Variants in PCDHAC2 observed in about 807,000 individuals in gnomAD.
PCDHAC2 encodes the protein protocadherin alpha-C2.
A neutral mutation model predicts 63.3 loss-of-function variants in PCDHAC2; 24 were observed. The observed-to-expected ratio is 0.38, with a 90% CI of 0.27 to 0.53. The LOEUF (loss-of-function observed/expected upper bound fraction) is 0.53, where lower values mean the gene tolerates loss of function less well. Among genes scored for constraint, PCDHAC2 ranks in the 20% least tolerant of loss-of-function variants. The pLI, the probability that PCDHAC2 is intolerant of heterozygous loss-of-function variation, is 0.81. For missense variants in PCDHAC2, 1,181 were observed against 1,275.2 expected, an observed-to-expected ratio of 0.93 and a Z score of 1.12; for synonymous variants, 569 against 529.4, an observed-to-expected ratio of 1.07 and a Z score of -1.03.
intron 3 of PCDHAC2, among the ~76,000 whole-genome samples, chr5:140,987,959 C>T (rs1222591572): frequency 1.3e-5 from 2 of 152,132 alleles, no homozygotes; most frequent in South Asian, 2.1e-4. Context: ...AAACCAACTC[C>T]CCATGGAAAG....
At chr5:140,987,211 C>T (rs1190567678) in intron 3 of PCDHAC2, among the ~76,000 whole-genome samples, 2 of 145,072 alleles carry the variant, frequency 1.4e-5, no homozygotes, top group Non-Finnish European at 3.0e-5. Flanking sequence ...GAGACTCCAT[C>T]TCAAAAAAAA....
intron 3 of PCDHAC2, among the ~76,000 whole-genome samples, chr5:140,993,154 A>T (rs2097543247): frequency 6.6e-6 from 1 of 152,220 alleles, no homozygotes; most frequent in Admixed American, 6.5e-5. Flanking sequence ...AATGGATTCT[A>T]AATATTTGCC....
At chr5:140,987,316 G>A (rs13153056) in intron 3 of PCDHAC2, among the ~76,000 whole-genome samples, 9,624 of 152,218 alleles carry the variant, frequency 0.063, 338 homozygotes, top group East Asian at 0.12. Flanking sequence ...AATGTACTGT[G>A]AAGTTTTAAG....
intron 3 of PCDHAC2, among the ~76,000 whole-genome samples, chr5:140,986,383 A>G (rs1277624649): frequency 2.6e-5 from 4 of 152,178 alleles, no homozygotes; most frequent in Admixed American, 1.3e-4. Flanking sequence ...GGGGAGGGAC[A>G]TTAAAGGGCC....
intron 3 of PCDHAC2, among the ~76,000 whole-genome samples, chr5:140,990,610 C>T (rs781969043): frequency 4.6e-5 from 7 of 152,080 alleles, no homozygotes; most frequent in African/African-American, 9.7e-5. Flanking sequence ...AGATGAATAC[C>T]GTAAAGGTCT....
intron 3 of PCDHAC2, among the ~76,000 whole-genome samples, chr5:140,995,853 A>G (rs934469128): frequency 4.6e-5 from 7 of 152,220 alleles, no homozygotes. Context: ...TTTCTATCGT[A>G]TCACTTAATA....
At chr5:141,009,120 T>C (rs1383940737) in intron 3 of PCDHAC2, among the ~76,000 whole-genome samples, 1 of 152,236 alleles carries the variant, frequency 6.6e-6, no homozygotes, top group African/African-American at 2.4e-5. Flanking sequence ...ACTAGATTCT[T>C]GGTATCCTGG....
intron 3 of PCDHAC2, among the ~76,000 whole-genome samples, 199 bp downstream of exon 3, chr5:140,982,762 TAAC>T (rs1210027762): frequency 6.6e-6 from 1 of 152,130 alleles, no homozygotes; most frequent in Non-Finnish European, 1.5e-5. Context: ...TGAAAAAGGA[TAAC>T]AAGGAAAGTG....
intron 3 of PCDHAC2, among the ~76,000 whole-genome samples, chr5:141,005,701 CAAAAAAAAAA>C (rs59860837): frequency 9.0e-4 from 7 of 7,792 alleles, no homozygotes; most frequent in East Asian, 6.4e-3. Context: ...AACTCCGTCT[CAAAAAAAAAA>C]AAAAAAAAAA....
At chr5:140,984,612 G>T (rs2097111075) in intron 3 of PCDHAC2, among the ~76,000 whole-genome samples, 1 of 152,026 alleles carries the variant, frequency 6.6e-6, no homozygotes, top group Admixed American at 6.6e-5. Flanking sequence ...CTGCATCAGT[G>T]GTGTAAAGTT....
rs143580970 is a variant in PCDHAC2, at chr5:140,976,476, G to A, written c.2566-2473G>A. ...TGGGGAAGAAGAATTGCTTGAATCC[G>A]GGAGGCAGAGGTTGCAGGGAGCCAA... On this transcript the variant is annotated intron_variant, in intron 1 of 3. Transcript: ENST00000289269. 8.2e-3 allele frequency among the ~76,000 whole-genome samples: 1,253 copies of A among 152,132 alleles called. 22 individuals carry two copies. The highest frequency in any genetic ancestry group is 0.028 in the African/African-American group (1,179 of 41,504).
chr5:140,975,591 G>A (rs1421434713), intron 1 of PCDHAC2, among the ~76,000 whole-genome samples: 1 of 152,198 alleles, frequency 6.6e-6, no homozygotes, highest in African/African-American at 2.4e-5. Flanking sequence ...GTCCCAGAGG[G>A]CAATTTGTTG....
chr5:140,991,413 A>G (rs2097451025), intron 3 of PCDHAC2, among the ~76,000 whole-genome samples: 1 of 152,228 alleles, frequency 6.6e-6, no homozygotes, highest in South Asian at 2.1e-4. Context: ...CCATTATGCT[A>G]TAACAAATTA....
chr5:140,966,486 C>G lies in PCDHAC2; in HGVS notation c.-281C>G, dbSNP rs1563351032. ...CTTCCCTTCTGTTTCCTTTTCCCTC[C>G]CCCTGGAGCTGTAGCGGCAGCAGCA... On this transcript the variant is annotated 5_prime_UTR_variant, in exon 1 of 4. Transcript: ENST00000289269. 2.3e-6 allele frequency: 1 copy of G among 432,846 alleles called. No individual in the cohort carries two copies. 26.8% of individuals were successfully genotyped at this position (432,846 alleles called of 1,614,324 possible).
intron 1 of PCDHAC2, among the ~76,000 whole-genome samples, chr5:140,973,163 G>A (rs1473284872): frequency 1.3e-5 from 2 of 152,166 alleles, no homozygotes; most frequent in African/African-American, 4.8e-5. Context: ...GCAATTTGTA[G>A]TCACCAAACC....
intron 3 of PCDHAC2, among the ~76,000 whole-genome samples, chr5:141,003,237 T>G (rs1357530548): frequency 6.6e-6 from 1 of 152,228 alleles, no homozygotes; most frequent in Non-Finnish European, 1.5e-5. Flanking sequence ...CTGGAAATTT[T>G]GCCAAAAAGA....
rs959323631 is a variant in PCDHAC2, at chr5:140,967,718, C to G, written c.952C>G (p.Arg318Gly). Residue 318 changes from arginine (R) to glycine (G), a missense_variant, in exon 1 of 4, where the codon CGA (arginine) becomes GGA (glycine). Physicochemically the swap from Arg to Gly is moderately radical, Grantham distance 125 (BLOSUM62 -2). This residue lies in a region of PCDHAC2 where 968 missense variants were observed against 1,073.5 expected (regional missense o/e 0.90). Transcript: ENST00000289269. ...FSIDASTGEV[R>G]VIGGLDYEEA... ...CATAGATGCCAGTACCGGGGAAGTG[C>G]GAGTAATTGGGGGGCTGGATTATGA... 6.2e-7 allele frequency: 1 copy of G among 1,613,988 alleles called. No homozygotes were observed. The highest frequency in any genetic ancestry group is 8.5e-7 in the Non-Finnish European group (1 of 1,180,032).
In PCDHAC2 at chr5:140,967,697, G is replaced by A. The variant is rs1554229803; in HGVS notation, c.931G>A (p.Asp311Asn). Reference protein sequence around the residue: ...SDRERQLFSIDASTGEVRVIG... With the variant: ...SDRERQLFSINASTGEVRVIG... The stretch of plus-strand genomic sequence containing the variant: ...CCGGGAGAGGCAGCTCTTCAGCATA[G>A]ATGCCAGTACCGGGGAAGTGCGAGT... The change falls in exon 1 of 4, where the codon GAT becomes AAT. Residue 311 changes from aspartate (D) to asparagine (N), a missense_variant. This residue lies in a region of PCDHAC2 where 968 missense variants were observed against 1,073.5 expected (regional missense o/e 0.90). Transcript: ENST00000289269. 1 of 1,614,196 alleles carries A rather than the reference G, an allele frequency of 6.2e-7. No individual in the cohort carries two copies. The highest frequency in any genetic ancestry group is 1.7e-5 in the Admixed American group (1 of 60,028).
chr5:141,006,568 T>C (rs2098278532), intron 3 of PCDHAC2, among the ~76,000 whole-genome samples: 1 of 152,110 alleles, frequency 6.6e-6, no homozygotes, highest in Non-Finnish European at 1.5e-5. Flanking sequence ...CTCTGGCTAC[T>C]GTGTGGAGGG....
Sources: allele counts gnomAD v4.1 joint callset (sites outside exome capture counted in the v4.1 genomes callset), GRCh38; gene constraint gnomAD v4.1.1; regional missense constraint gnomAD v4.1.1; transcripts MANE v1.5; gene names NCBI Gene and HGNC (gene_info 2026-07-23, HGNC 2026-07-21).